The following NCOA7 variants were observed in gnomAD, a reference collection of about 807,000 sequenced individuals.
NCOA7 encodes the protein nuclear receptor coactivator 7.
Under a neutral mutation model 104.3 loss-of-function variants are expected in NCOA7, and 45 were observed. The ratio of observed to expected loss-of-function variants is 0.43; its 90% CI spans 0.34 to 0.55. NCOA7 has a LOEUF of 0.55. Ranked by LOEUF, NCOA7 falls within the 20% of genes least tolerant of loss-of-function variation. The pLI is 0.02. For synonymous variants in NCOA7, 398 were observed against 402.3 expected (o/e 0.99, Z 0.13); for missense variants, 1,041 against 1,119.7 (o/e 0.93, Z 1.00).
At chr6:125,911,170 G>T (rs1038621408) in intron 10 of NCOA7, among the ~76,000 whole-genome samples, 5 of 152,214 alleles carry the variant, frequency 3.3e-5, no homozygotes, top group African/African-American at 1.2e-4. Flanking sequence ...AGCACATTGC[G>T]TTAAGCACAT....
chr6:125,840,603 C>T (rs1030005694), intron 2 of NCOA7, among the ~76,000 whole-genome samples: 2 of 151,122 alleles, frequency 1.3e-5, no homozygotes, highest in African/African-American at 4.9e-5. Flanking sequence ...AGCCTCAAAC[C>T]TCCCAGGCTC....
At chr6:125,905,602 C>T (rs924403321) in intron 10 of NCOA7, among the ~76,000 whole-genome samples, 5 of 151,984 alleles carry the variant, frequency 3.3e-5, no homozygotes, top group African/African-American at 7.3e-5. Flanking sequence ...CAGAAAATAC[C>T]GGAGCCAGGT....
intron 2 of NCOA7, among the ~76,000 whole-genome samples, chr6:125,820,216 T>A (rs1335610671): frequency 6.6e-6 from 1 of 152,188 alleles, no homozygotes. Context: ...GAACATTTCT[T>A]AGCTCCCATC....
chr6:125,858,194 G>A (rs867088667), intron 3 of NCOA7, among the ~76,000 whole-genome samples: 5 of 152,072 alleles, frequency 3.3e-5, no homozygotes, highest in African/African-American at 9.7e-5. Flanking sequence ...TCAGCTTGAC[G>A]TGTGCTCTTT....
At chr6:125,888,386 A>C (rs559062458) in intron 8 of NCOA7, among the ~76,000 whole-genome samples, 1 of 152,352 alleles carries the variant, frequency 6.6e-6, no homozygotes, top group African/African-American at 2.4e-5. Flanking sequence ...TATGATTAGA[A>C]GCATCAGATC....
intron 2 of NCOA7, among the ~76,000 whole-genome samples, chr6:125,836,892 A>G (rs1285465164): frequency 2.6e-5 from 4 of 152,196 alleles, no homozygotes; most frequent in Non-Finnish European, 5.9e-5. Context: ...ATTTCATATT[A>G]GGAAGTTGGT....
At chr6:125,805,839 A>G (rs1223396291) in intron 1 of NCOA7, among the ~76,000 whole-genome samples, 2 of 152,154 alleles carry the variant, frequency 1.3e-5, no homozygotes, top group Non-Finnish European at 2.9e-5. Context: ...ACACTTGCAT[A>G]TTTGGATGCA....
At chr6:125,827,403 T>G (rs1778761478) in intron 2 of NCOA7, among the ~76,000 whole-genome samples, 1 of 151,928 alleles carries the variant, frequency 6.6e-6, no homozygotes, top group South Asian at 2.1e-4. Context: ...CAACATGAGT[T>G]TTGGAGGGAA....
At chr6:125,919,470 G>A (rs941419823) in intron 11 of NCOA7, 1 of 1,594,852 alleles carries the variant, frequency 6.3e-7, no homozygotes, top group Non-Finnish European at 8.6e-7. Context: ...TAAGGTGCTG[G>A]TGAATTCTCA....
At chr6:125,879,759 G>C (rs1382526782) in intron 5 of NCOA7, among the ~76,000 whole-genome samples, 1 of 152,150 alleles carries the variant, frequency 6.6e-6, no homozygotes, top group Non-Finnish European at 1.5e-5. Context: ...GCACTTTGGA[G>C]GCCAAGGTAG....
At chr6:125,809,684 A>G (rs1295462905) in intron 1 of NCOA7, among the ~76,000 whole-genome samples, 1 of 152,176 alleles carries the variant, frequency 6.6e-6, no homozygotes, top group East Asian at 1.9e-4. Context: ...TTCTAGGAGG[A>G]AATGCCTGCA....
At chr6:125,851,278 G>A (rs1781106591) in intron 2 of NCOA7, among the ~76,000 whole-genome samples, 1 of 151,952 alleles carries the variant, frequency 6.6e-6, no homozygotes, top group Admixed American at 6.6e-5. Flanking sequence ...ACCCTCCTCT[G>A]GTCCATTATC....
Position 125,929,487 on chromosome 6 carries a change from T to G in NCOA7, c.*716T>G, listed in dbSNP as rs1788331324. On this transcript the variant is annotated 3_prime_UTR_variant, in exon 16 of 16. Transcript: ENST00000392477. ...ATATCTGTATGTGGGTATATAGAGA[T>G]ATATGTGTGTGTGTATGTATATGTA... 6.6e-6 allele frequency: 1 copy of G among 152,064 alleles called. No homozygotes were observed. The highest frequency in any genetic ancestry group is 2.1e-4 in the South Asian group (1 of 4,836). The allele number at this position is 152,064 out of a possible 1,614,324, so 9.4% of individuals were successfully genotyped here.
intron 2 of NCOA7, among the ~76,000 whole-genome samples, chr6:125,830,737 A>ATG (rs890797445): frequency 0.019 from 1,785 of 92,916 alleles, 24 homozygotes; most frequent in African/African-American, 0.059. Flanking sequence ...ATATATATAT[A>ATG]TGTGTGTGTG....
intron 1 of NCOA7, among the ~76,000 whole-genome samples, chr6:125,806,629 G>T (rs916769386): frequency 1.3e-5 from 2 of 152,134 alleles, no homozygotes; most frequent in Admixed American, 1.3e-4. Flanking sequence ...GGCGCTACTG[G>T]CATTTAGTTG....
At chr6:125,895,965 A>ATGTGTGTG (rs61017866) in intron 10 of NCOA7, among the ~76,000 whole-genome samples, 1 of 146,072 alleles carries the variant, frequency 6.8e-6, no homozygotes. Flanking sequence ...ATATGTATAT[A>ATGTGTGTG]TGTGTGTGTG....
chr6:125,851,829 T>G (rs1207996871), intron 2 of NCOA7, among the ~76,000 whole-genome samples: 4 of 152,178 alleles, frequency 2.6e-5, no homozygotes, highest in Non-Finnish European at 5.9e-5. Flanking sequence ...TTTATTTGTA[T>G]CTCCCCGATG....
At chr6:125,829,615 T>C (rs1026448177) in intron 2 of NCOA7, among the ~76,000 whole-genome samples, 3 of 152,176 alleles carry the variant, frequency 2.0e-5, no homozygotes, top group African/African-American at 7.2e-5. Context: ...CAACCTGCGG[T>C]GAAGTGGTTA....
intron 2 of NCOA7, among the ~76,000 whole-genome samples, chr6:125,839,579 G>C (rs535673708): frequency 6.6e-6 from 1 of 152,122 alleles, no homozygotes; most frequent in African/African-American, 2.4e-5. Context: ...CCGCAGCTTT[G>C]AGTCATCTCA....
Sources: allele counts gnomAD v4.1 joint callset (sites outside exome capture counted in the v4.1 genomes callset), GRCh38; gene constraint gnomAD v4.1.1; transcripts MANE v1.5; gene names NCBI Gene and HGNC (gene_info 2026-07-23, HGNC 2026-07-21).